STARD7: variants seen among roughly 807,000 people sequenced by gnomAD.
STARD7 encodes stAR-related lipid transfer protein 7, mitochondrial.
A neutral mutation model predicts 45.3 loss-of-function variants in STARD7; 30 were observed. The ratio of observed to expected loss-of-function variants is 0.66; its 90% CI spans 0.50 to 0.90. The LOEUF (loss-of-function observed/expected upper bound fraction) is 0.90. Among genes scored for constraint, STARD7 ranks in the 40% least tolerant of loss-of-function variants. The pLI is 0.00. For missense variants in STARD7, 495 were observed against 491.3 expected, an observed-to-expected ratio of 1.01 and a Z score of -0.07; for synonymous variants, 199 against 183.0, an observed-to-expected ratio of 1.09 and a Z score of -0.70.
At chr2:96,199,190 G>A (rs1471479893) in intron 1 of STARD7, among the ~76,000 whole-genome samples, 1 of 152,172 alleles carries the variant, frequency 6.6e-6, no homozygotes, top group African/African-American at 2.4e-5. Flanking sequence ...ACTATCAGAA[G>A]TGGCTTGCCA....
intron 6 of STARD7, among the ~76,000 whole-genome samples, chr2:96,189,642 T>G (rs986359478): frequency 6.6e-6 from 1 of 150,618 alleles, no homozygotes; most frequent in Admixed American, 6.7e-5. Context: ...CAGGTGGAGG[T>G]TGCAAGTGAG....
At position 96,186,547 on chromosome 2, in the gene STARD7, TTC is replaced by T; in HGVS notation, c.*181_*182del. 6.6e-6 allele frequency: 3 copies of T among 456,358 alleles called. No individual in the cohort carries two copies. The highest frequency in any genetic ancestry group is 7.6e-6 in the Non-Finnish European group (2 of 261,752). 28.3% of individuals were successfully genotyped at this position (456,358 alleles called of 1,614,324 possible). On this transcript the variant is annotated 3_prime_UTR_variant, in exon 8 of 8. Transcript: ENST00000337288. Reference sequence around the variant, plus strand: ...CAACACTCCCACAAATGTAGCCTTCTTCTGTTTTGATAAGAGCAATAAGGGCT... The same window carrying T: ...CAACACTCCCACAAATGTAGCCTTCTTGTTTTGATAAGAGCAATAAGGGCT...
rs1223643967 is a variant in STARD7 at position 96,192,419 on chromosome 2, T to C, written c.793A>G (p.Arg265Gly). The C allele has an allele frequency of 1.2e-6, 2 of 1,613,856 alleles. No homozygotes were observed. The highest frequency in any genetic ancestry group is 1.7e-6 in the Non-Finnish European group (2 of 1,179,870). Reference protein sequence around the residue: ...VPESPEFVRVRSYESQMVIRP... With the variant: ...VPESPEFVRVGSYESQMVIRP... ...ATAACCATTTGGGATTCATATGATC[T>C]GACCCTGACGAATTCTGGAGACTCT... Residue 265 changes from arginine to glycine, a missense_variant, in exon 6 of 8, where the codon AGA becomes GGA. Transcript: ENST00000337288.
At chr2:96,204,333 T>A (rs1683354062) in intron 1 of STARD7, among the ~76,000 whole-genome samples, 1 of 150,736 alleles carries the variant, frequency 6.6e-6, no homozygotes, top group African/African-American at 2.4e-5. Context: ...GACAGGCGGA[T>A]CACGAGGTCA....
At chr2:96,187,104 G>GAAA (rs367591402) in intron 7 of STARD7, 113 bp downstream of exon 7, 83 of 750,044 alleles carry the variant, frequency 1.1e-4, no homozygotes, top group South Asian at 1.9e-4. Flanking sequence ...CTCTGTCTCA[G>GAAA]AAAAAAAAAA....
At position 96,208,483 on chromosome 2, in the gene STARD7, G is replaced by A. The variant is rs1390127066; in HGVS notation, c.-49C>T. On this transcript the variant is annotated 5_prime_UTR_variant, in exon 1 of 8. Coordinates refer to ENST00000337288, the MANE Select transcript of STARD7 (RefSeq NM_020151.4). ...CGAGCTTCCGGGGCCCAAGGAACCA[G>A]TCCGGAGGGGCGCAGGCGGTGGTCG... The A allele has an allele frequency of 3.7e-6, 5 of 1,335,096 alleles. No homozygotes were observed. The highest frequency in any genetic ancestry group is 4.8e-6 in the Non-Finnish European group (5 of 1,047,404). The allele number at this position is 1,335,096 out of a possible 1,614,324, so 82.7% of individuals were successfully genotyped here.
intron 1 of STARD7, among the ~76,000 whole-genome samples, chr2:96,204,873 A>G (rs1008653873): frequency 1.3e-5 from 2 of 152,170 alleles, no homozygotes; most frequent in East Asian, 3.8e-4. Context: ...GAAAATGGCC[A>G]ATTTTCTTTA....
chr2:96,186,641 T>C lies in STARD7; in HGVS notation c.*89A>G, dbSNP rs1251824148. The C allele has an allele frequency of 4.1e-6, 4 of 981,728 alleles. No homozygotes were observed. Among genetic ancestry groups the C allele is most frequent in the Non-Finnish European group, 3.0e-6 (2 of 677,568 alleles). The allele number at this position is 981,728 out of a possible 1,614,324, so 60.8% of individuals were successfully genotyped here. On this transcript the variant is annotated 3_prime_UTR_variant, in exon 8 of 8. Coordinates refer to ENST00000337288, the MANE Select transcript of STARD7 (RefSeq NM_020151.4). ...GGAAGTTACAGCAGATGCCTTCTAA[T>C]ACATGTGGCATGTCCCCCTTCTACA...
chr2:96,204,666 T>C (rs1225550084), intron 1 of STARD7, among the ~76,000 whole-genome samples: 1 of 151,564 alleles, frequency 6.6e-6, no homozygotes, highest in Admixed American at 6.6e-5. Flanking sequence ...CCTCAAAAAA[T>C]TGAGATCTAA....
chr2:96,208,026 G>A (rs1683425587), intron 1 of STARD7, 119 bp downstream of exon 1: 12 of 907,554 alleles, frequency 1.3e-5, no homozygotes, highest in Non-Finnish European at 1.8e-5. Flanking sequence ...AGGTTCAATC[G>A]ACTGTATTGC....
intron 1 of STARD7, among the ~76,000 whole-genome samples, chr2:96,196,108 T>C (rs1292092532): frequency 7.2e-6 from 1 of 139,740 alleles, no homozygotes; most frequent in Admixed American, 7.2e-5. Flanking sequence ...GTGAGACTCT[T>C]GTCTCAAAAA....
At chr2:96,192,767 T>C (rs1683144465) in intron 5 of STARD7, among the ~76,000 whole-genome samples, 2 of 152,050 alleles carry the variant, frequency 1.3e-5, no homozygotes, top group South Asian at 2.1e-4. Context: ...AACAAACAAA[T>C]GAATTAATTA....
chr2:96,192,258 G>T, intron 6 of STARD7, 111 bp downstream of exon 6: 1 of 867,230 alleles, frequency 1.2e-6, no homozygotes, highest in Admixed American at 1.8e-5. Context: ...AGACTCCCCC[G>T]AGCGAGAACT....
chr2:96,186,539 T>G lies in STARD7; in HGVS notation c.*191A>C. On this transcript the variant is annotated 3_prime_UTR_variant, in exon 8 of 8. Coordinates refer to ENST00000337288, the MANE Select transcript of STARD7 (RefSeq NM_020151.4). ...GAATATGACAACACTCCCACAAATG[T>G]AGCCTTCTTCTGTTTTGATAAGAGC... 1 of 445,422 alleles carries G rather than the reference T, an allele frequency of 2.2e-6. No homozygotes were observed. The highest frequency in any genetic ancestry group is 3.9e-6 in the Non-Finnish European group (1 of 254,880). 27.6% of individuals were successfully genotyped at this position (445,422 alleles called of 1,614,324 possible).
chr2:96,206,380 T>C (rs1683389540), intron 1 of STARD7, among the ~76,000 whole-genome samples: 1 of 152,220 alleles, frequency 6.6e-6, no homozygotes. Flanking sequence ...AGTAGCCCTT[T>C]TCCTGGTCTT....
Position 96,185,382 on chromosome 2 carries a change from AAAAACAAAAAC to A in STARD7, c.*1337_*1347del, listed in dbSNP as rs1683019655. The stretch of plus-strand genomic sequence containing the variant: ...ACAAAACAGTAGCAAGCAGGAAAAC[AAAAACAAAAAC>A]AAAAACAAAAACTCTGGCCCTCAAG... On this transcript the variant is annotated 3_prime_UTR_variant, in exon 8 of 8. Transcript: ENST00000337288. The A allele has an allele frequency of 6.6e-6, 1 of 151,876 alleles. No homozygotes were observed. Among genetic ancestry groups the A allele is most frequent in the Non-Finnish European group, 1.5e-5 (1 of 67,906 alleles). 9.4% of individuals were successfully genotyped at this position (151,876 alleles called of 1,614,324 possible). A position where few individuals can be genotyped will look rare whatever the true frequency, so the allele number is the denominator to read the frequency against.
intron 1 of STARD7, among the ~76,000 whole-genome samples, chr2:96,207,598 T>C (rs879449774): frequency 6.6e-6 from 1 of 152,192 alleles, no homozygotes; most frequent in Admixed American, 6.5e-5. Context: ...GACCTAATTC[T>C]TACAGGTTCA....
chr2:96,192,134 A>G (rs564473111), intron 6 of STARD7, among the ~76,000 whole-genome samples: 1 of 152,200 alleles, frequency 6.6e-6, no homozygotes, highest in African/African-American at 2.4e-5. Context: ...TCTTTTAACT[A>G]TCTCTCAGAT....
At chr2:96,195,144 G>T in intron 2 of STARD7, 137 bp from the exon 3 acceptor site, 1 of 866,682 alleles carries the variant, frequency 1.2e-6, no homozygotes, top group Non-Finnish European at 1.8e-6. Flanking sequence ...TCTTAGTAGA[G>T]CAACAAAGAA....
Sources: allele counts gnomAD v4.1 joint callset (sites outside exome capture counted in the v4.1 genomes callset), GRCh38; gene constraint gnomAD v4.1.1; transcripts MANE v1.5; gene names NCBI Gene and HGNC (gene_info 2026-07-23, HGNC 2026-07-21).